Variants in WNT3 observed in about 807,000 individuals in gnomAD.
WNT3 encodes the protein proto-oncogene Wnt-3.
WNT3 carries 7 observed loss-of-function variants against 34.2 expected under a neutral mutation model. The observed-to-expected ratio is 0.20, with a 90% CI of 0.12 to 0.38. The LOEUF (loss-of-function observed/expected upper bound fraction) is 0.38, where lower values mean the gene tolerates loss of function less well. WNT3 is among the 10% of genes least tolerant of loss of function. WNT3 has a pLI of 1.00. For missense variants in WNT3, 267 were observed against 499.8 expected (o/e 0.53, Z 4.44); for synonymous variants, 212 against 211.5 (o/e 1.00, Z -0.02).
At chr17:46,764,703 G>A (rs2059298129) in intron 4 of WNT3, 82 bp from the exon 5 acceptor site, 1 of 152,284 alleles carries the variant, frequency 6.6e-6, no homozygotes, top group Non-Finnish European at 1.5e-5. Flanking sequence ...ATCAGAGGCT[G>A]CTGATGGATC....
rs1368647571 is a variant in WNT3 at position 46,814,047 on chromosome 17, C to T, written c.80+4471G>A. Among the ~76,000 whole-genome samples the T allele has an allele frequency of 2.0e-5, 3 of 152,204 alleles. No homozygotes were observed. In the East Asian group the frequency reaches 5.8e-4, roughly 29 times the overall value. ...AAGGACTTGGCACCAAAGTCCAGCT[C>T]CTGCCTCTTTTGACCTCATCGCCAA... On this transcript the variant is annotated intron_variant, in intron 1 of 4. Coordinates refer to ENST00000225512, the MANE Select transcript of WNT3 (RefSeq NM_030753.5).
chr17:46,769,621 C>A (rs964951277), intron 3 of WNT3, among the ~76,000 whole-genome samples, 162 bp downstream of exon 3: 1 of 151,970 alleles, frequency 6.6e-6, no homozygotes, highest in Non-Finnish European at 1.5e-5. Flanking sequence ...GGTGGACAGA[C>A]GAAGTGGCTG....
At chr17:46,804,235 G>A (rs1314612131) in intron 1 of WNT3, among the ~76,000 whole-genome samples, 1 of 151,798 alleles carries the variant, frequency 6.6e-6, no homozygotes, top group East Asian at 1.9e-4. Context: ...CTACAGGTGC[G>A]TGCCACCACA....
In WNT3 at chr17:46,773,650, T is replaced by G; in HGVS notation, c.322+18A>C. 1 of 273,722 alleles carries G rather than the reference T, an allele frequency of 3.7e-6. No homozygotes were observed. Among genetic ancestry groups the G allele is most frequent in the Non-Finnish European group, 5.7e-6 (1 of 176,328 alleles). 17.0% of individuals were successfully genotyped at this position (273,722 alleles called of 1,614,324 possible). On this transcript the variant is annotated intron_variant, in intron 2 of 4. Coordinates refer to ENST00000225512, the MANE Select transcript of WNT3 (RefSeq NM_030753.5). ...CCCCCACCCAGCCCCTCCCCCCCCC[T>G]CAGCCCCAAGGCAGTACCTTTGTCG...
chr17:46,797,679 A>G (rs553244196), intron 1 of WNT3, among the ~76,000 whole-genome samples: 148 of 152,338 alleles, frequency 9.7e-4, no homozygotes, highest in African/African-American at 3.4e-3. Flanking sequence ...CCTGCTGTGC[A>G]CAGCGAGATG....
At chr17:46,790,260 G>A (rs998492018) in intron 1 of WNT3, among the ~76,000 whole-genome samples, 12 of 152,138 alleles carry the variant, frequency 7.9e-5, no homozygotes, top group Non-Finnish European at 1.5e-4. Flanking sequence ...GTTAGGAGCC[G>A]AATCTGGGTT....
chr17:46,789,597 C>T (rs1042947502), intron 1 of WNT3, among the ~76,000 whole-genome samples: 3 of 98,558 alleles, frequency 3.0e-5, no homozygotes, highest in African/African-American at 1.2e-4. Context: ...GGTAACCTCT[C>T]AGGGAACACA....
At chr17:46,782,671 C>G (rs2059471919) in intron 1 of WNT3, among the ~76,000 whole-genome samples, 1 of 152,182 alleles carries the variant, frequency 6.6e-6, no homozygotes. Flanking sequence ...GGGGCTGGGC[C>G]TGGTGGGCTC....
chr17:46,773,922 A>C lies in WNT3; in HGVS notation c.81-13T>G. ...CAGGGCCAGGGACCTGCAGGCAGAC[A>C]GAGGGTAGTAACACTGTGGGCACAA... On this transcript the variant is annotated splice_polypyrimidine_tract_variant and intron_variant, in intron 1 of 4. Coordinates refer to ENST00000225512, the MANE Select transcript of WNT3 (RefSeq NM_030753.5). The C allele has an allele frequency of 6.2e-7, 1 of 1,610,094 alleles. No individual in the cohort carries two copies. The highest frequency in any genetic ancestry group is 8.5e-7 in the Non-Finnish European group (1 of 1,179,510).
chr17:46,817,657 C>A (rs1398197031), intron 1 of WNT3, among the ~76,000 whole-genome samples: 1 of 146,886 alleles, frequency 6.8e-6, no homozygotes, highest in East Asian at 2.2e-4. Context: ...CTGCTCCCGG[C>A]TTCCCAGTCT....
intron 1 of WNT3, among the ~76,000 whole-genome samples, chr17:46,808,057 A>G (rs1226763734): frequency 2.0e-5 from 3 of 152,262 alleles, no homozygotes; most frequent in Non-Finnish European, 4.4e-5. Flanking sequence ...GACCAGATGC[A>G]AAGCAGCAAA....
At chr17:46,767,286 T>A (rs530181309) in intron 4 of WNT3, among the ~76,000 whole-genome samples, 1 of 152,086 alleles carries the variant, frequency 6.6e-6, no homozygotes, top group African/African-American at 2.4e-5. Context: ...ACTCTGAACT[T>A]GAATCCCTCC....
At chr17:46,783,210 T>G (rs889288313) in intron 1 of WNT3, among the ~76,000 whole-genome samples, 10 of 151,906 alleles carry the variant, frequency 6.6e-5, no homozygotes, top group Non-Finnish European at 1.2e-4. Context: ...GGACCCAAGG[T>G]CTTGAGATAA....
At chr17:46,796,061 A>C (rs1426623459) in intron 1 of WNT3, among the ~76,000 whole-genome samples, 1 of 152,118 alleles carries the variant, frequency 6.6e-6, no homozygotes, top group Non-Finnish European at 1.5e-5. Flanking sequence ...TCCCATCCGC[A>C]GGTGGTAGGT....
chr17:46,797,950 G>A (rs1212321255), intron 1 of WNT3, among the ~76,000 whole-genome samples: 1 of 152,006 alleles, frequency 6.6e-6, no homozygotes, highest in East Asian at 1.9e-4. Flanking sequence ...TTGGTTTTTT[G>A]TTTTTTTGAG....
At chr17:46,766,213 AG>A (rs1430512324) in intron 4 of WNT3, among the ~76,000 whole-genome samples, 3 of 152,174 alleles carry the variant, frequency 2.0e-5, no homozygotes, top group Admixed American at 6.5e-5. Context: ...GTTCAAGACC[AG>A]CCTGGCCAGC....
chr17:46,790,903 A>G (rs2083976799), intron 1 of WNT3, among the ~76,000 whole-genome samples: 1 of 152,320 alleles, frequency 6.6e-6, no homozygotes, highest in East Asian at 1.9e-4. Context: ...GATGTGTTTC[A>G]AAAGAAACCT....
chr17:46,814,668 T>A (rs2084318531), intron 1 of WNT3, among the ~76,000 whole-genome samples: 1 of 152,224 alleles, frequency 6.6e-6, no homozygotes, highest in African/African-American at 2.4e-5. Context: ...CCCAGCGAGC[T>A]GTAATTCCTG....
intron 2 of WNT3, among the ~76,000 whole-genome samples, chr17:46,771,129 C>T (rs1268773426): frequency 6.6e-6 from 1 of 152,336 alleles, no homozygotes; most frequent in East Asian, 1.9e-4. Context: ...CGGCCGCTCT[C>T]CGCGGCCCCC....
Sources: gnomAD v4.1 joint callset for allele counts (sites outside exome capture counted in the v4.1 genomes callset) on GRCh38, gnomAD v4.1.1 for gene constraint, MANE v1.5 for transcripts, NCBI Gene and HGNC (gene_info 2026-07-23, HGNC 2026-07-21) for gene names.